Variants in ATP6V1B1 observed in about 807,000 individuals in gnomAD.
The protein encoded by ATP6V1B1 is V-type proton ATPase subunit B, kidney isoform.
ATP6V1B1 carries 41 observed loss-of-function variants against 62.1 expected under a neutral mutation model. The ratio of observed to expected loss-of-function variants is 0.66; its 90% CI spans 0.51 to 0.86. The LOEUF is 0.86. Among genes scored for constraint, ATP6V1B1 ranks in the 40% least tolerant of loss-of-function variants. ATP6V1B1 has a pLI of 0.00. For synonymous variants in ATP6V1B1, 253 were observed against 273.4 expected (o/e 0.93, Z 0.74); for missense variants, 651 against 697.5 (o/e 0.93, Z 0.75).
At chr2:70,936,224 G>A in intron 1 of ATP6V1B1, 152 bp downstream of exon 1, 1 of 804,074 alleles carries the variant, frequency 1.2e-6, no homozygotes, top group Non-Finnish European at 2.0e-6. Flanking sequence ...GAGTGACGCA[G>A]TGGGGCCACC....
intron 3 of ATP6V1B1, 85 bp from the exon 4 acceptor site, chr2:70,958,248 T>C: frequency 6.3e-7 from 1 of 1,591,226 alleles, no homozygotes; most frequent in Non-Finnish European, 8.6e-7. Flanking sequence ...TCTATTTCCC[T>C]GAGAGCACAG....
chr2:70,945,979 G>T (rs1680161287), intron 2 of ATP6V1B1, among the ~76,000 whole-genome samples: 1 of 151,580 alleles, frequency 6.6e-6, no homozygotes, highest in Non-Finnish European at 1.5e-5. Context: ...TCAAGATCTG[G>T]CCATGTATCT....
At chr2:70,952,483 A>G (rs1157194320) in intron 2 of ATP6V1B1, among the ~76,000 whole-genome samples, 1 of 151,724 alleles carries the variant, frequency 6.6e-6, no homozygotes, top group African/African-American at 2.4e-5. Flanking sequence ...AAAACCACAC[A>G]TAAAACAGAT....
chr2:70,938,888 A>C, intron 1 of ATP6V1B1: 1 of 782,834 alleles, frequency 1.3e-6, no homozygotes, highest in Non-Finnish European at 1.6e-6. Context: ...AAGATCCCCC[A>C]GGAGCTTGAG....
At chr2:70,947,079 C>G (rs1054020144) in intron 2 of ATP6V1B1, among the ~76,000 whole-genome samples, 1 of 152,112 alleles carries the variant, frequency 6.6e-6, no homozygotes. Context: ...TTCCTGCTTC[C>G]GTCCTCAAAT....
intron 1 of ATP6V1B1, among the ~76,000 whole-genome samples, chr2:70,942,693 C>A (rs1438011585): frequency 3.9e-5 from 6 of 152,202 alleles, no homozygotes; most frequent in Non-Finnish European, 8.8e-5. Context: ...ATTTTCCTTG[C>A]CTGTGAAAGA....
chr2:70,958,549 G>A (rs1163466433), intron 4 of ATP6V1B1, 123 bp downstream of exon 4: 3 of 965,310 alleles, frequency 3.1e-6, no homozygotes, highest in Non-Finnish European at 4.7e-6. Flanking sequence ...TCTCTCTGGT[G>A]GGCTCTTTGA....
At chr2:70,958,490 C>A in intron 4 of ATP6V1B1, 64 bp downstream of exon 4, 1 of 1,478,822 alleles carries the variant, frequency 6.8e-7, no homozygotes, top group Non-Finnish European at 9.4e-7. Flanking sequence ...GCTTCTCTGA[C>A]CAAACCCTCA....
intron 2 of ATP6V1B1, chr2:70,944,375 C>A: frequency 2.1e-6 from 1 of 474,848 alleles, no homozygotes; most frequent in Non-Finnish European, 3.2e-6. Flanking sequence ...CAAGATCACT[C>A]TCTTATCCTC....
intron 2 of ATP6V1B1, among the ~76,000 whole-genome samples, chr2:70,956,811 A>G (rs1680446268): frequency 6.6e-6 from 1 of 151,838 alleles, no homozygotes; most frequent in Admixed American, 6.6e-5. Context: ...GCTGATCTCA[A>G]ACTCCTTATG....
intron 1 of ATP6V1B1, chr2:70,940,738 A>G: frequency 1.0e-6 from 1 of 985,180 alleles, no homozygotes; most frequent in Non-Finnish European, 1.2e-6. Flanking sequence ...GCAACCCTTT[A>G]GGCTGGTCAA....
chr2:70,963,113 C>A lies in ATP6V1B1; in HGVS notation c.910-49C>A. The A allele has an allele frequency of 6.2e-7, 1 of 1,613,314 alleles. No homozygotes were observed. The highest frequency in any genetic ancestry group is 8.5e-7 in the Non-Finnish European group (1 of 1,179,566). The stretch of plus-strand genomic sequence containing the variant: ...TGAACCTCCCACCCACCCTTCCTAG[C>A]TTCAGCCTCTCATCCCCTTTCTTAC... On this transcript the variant is annotated intron_variant, in intron 9 of 13. Coordinates refer to ENST00000234396, the MANE Select transcript of ATP6V1B1 (RefSeq NM_001692.4). The surrounding 1 kb of genome is among the most constrained non-coding windows in gnomAD (Gnocchi z 4.3).
intron 1 of ATP6V1B1, chr2:70,938,690 T>C: frequency 3.0e-6 from 3 of 985,420 alleles, no homozygotes; most frequent in Non-Finnish European, 2.4e-6. Flanking sequence ...GGGTCCCCTG[T>C]GCCTCCCGTG....
rs35710919 is a variant in ATP6V1B1, at chr2:70,945,701, GATATATATATATATATAT to G, written c.174+2012_174+2029del. On this transcript the variant is annotated intron_variant, in intron 2 of 13. Coordinates refer to ENST00000234396, the MANE Select transcript of ATP6V1B1 (RefSeq NM_001692.4). ...TATCCTCTTTCTGGCTATTTGAAGA[GATATATATATATATATAT>G]ATATATATATATATATATATATAGT... 7.0e-3 allele frequency among the ~76,000 whole-genome samples: 582 copies of G among 83,028 alleles called. 15 individuals are homozygous for G. Among genetic ancestry groups the G allele is most frequent in the African/African-American group, 0.026 (550 of 20,914 alleles). 54.5% of individuals were successfully genotyped at this position (83,028 alleles called of 152,430 possible).
At chr2:70,939,208 A>C (rs1268957883) in intron 1 of ATP6V1B1, 1 of 152,364 alleles carries the variant, frequency 6.6e-6, no homozygotes, top group Non-Finnish European at 1.5e-5. Flanking sequence ...TTGACAGAAA[A>C]GGCGGTAGGG....
At position 70,960,990 on chromosome 2, in the gene ATP6V1B1, G is replaced by A. The variant is rs782215468; in HGVS notation, c.655G>A (p.Asp219Asn). The A allele has an allele frequency of 1.6e-5, 25 of 1,602,284 alleles. No homozygotes were observed. Among genetic ancestry groups the A allele is most frequent in the South Asian group, 4.5e-5 (4 of 88,816 alleles). The change falls in exon 7 of 14, where the codon GAC becomes AAC. Residue 219 changes from aspartate to asparagine, a missense_variant. Physicochemically the swap from Asp to Asn is conservative, Grantham distance 23. Coordinates refer to ENST00000234396, the MANE Select transcript of ATP6V1B1 (RefSeq NM_001692.4). Reference protein sequence around the residue: ...KSKAVLDYHDDNFAIVFAAMG... With the variant: ...KSKAVLDYHDNNFAIVFAAMG... ...CAAGGCTGTGCTGGATTACCATGAC[G>A]ACAACTTCGCCATCGTCTTTGCAGC...
chr2:70,953,417 G>GT (rs1346443351), intron 2 of ATP6V1B1, among the ~76,000 whole-genome samples: 2 of 152,052 alleles, frequency 1.3e-5, no homozygotes, highest in African/African-American at 4.8e-5. Context: ...GGTGTTCATA[G>GT]TTTTTAATCT....
intron 2 of ATP6V1B1, among the ~76,000 whole-genome samples, chr2:70,950,932 ATTTTTTTTTT>A (rs55871344): frequency 9.3e-5 from 6 of 64,624 alleles, no homozygotes; most frequent in East Asian, 1.0e-3. Context: ...TTTTTTCCTG[ATTTTTTTTTT>A]TTTTTTTTTT....
intron 1 of ATP6V1B1, among the ~76,000 whole-genome samples, chr2:70,939,167 T>C (rs1467048043): frequency 1.3e-5 from 2 of 152,216 alleles, no homozygotes; most frequent in East Asian, 1.9e-4. Context: ...CAGCGCTAAT[T>C]AGTGGGCCGC....
Sources: allele counts gnomAD v4.1 joint callset (sites outside exome capture counted in the v4.1 genomes callset), GRCh38; gene constraint gnomAD v4.1.1; non-coding constraint Gnocchi (gnomAD v3.1); transcripts MANE v1.5; gene names NCBI Gene and HGNC (gene_info 2026-07-23, HGNC 2026-07-21).